The following FBXO42 variants were observed in gnomAD, a reference collection of about 807,000 sequenced individuals.
FBXO42 encodes F-box only protein 42.
FBXO42 carries 12 observed loss-of-function variants against 71.7 expected under a neutral mutation model. The observed-to-expected ratio is 0.17, with a 90% CI of 0.11 to 0.27. The LOEUF (loss-of-function observed/expected upper bound fraction) is 0.27, where lower values mean the gene tolerates loss of function less well. FBXO42 is among the 10% of genes least tolerant of loss of function. FBXO42 has a pLI of 1.00. For missense variants in FBXO42, 707 were observed against 911.9 expected (o/e 0.78, Z 2.89); for synonymous variants, 325 against 327.5 (o/e 0.99, Z 0.08).
rs2081606101 is a variant in FBXO42, at chr1:16,252,795, C to T, written c.921+301G>A. 6.6e-6 allele frequency among the ~76,000 whole-genome samples: 1 copy of T among 152,094 alleles called. No individual in the cohort carries two copies. The highest frequency in any genetic ancestry group is 2.4e-5 in the African/African-American group (1 of 41,388). ...ATCAACCTGCTTTTTTGTTCCACTG[C>T]CCTCTCCCCTTTGAAAATATGATAG... On this transcript the variant is annotated intron_variant, in intron 8 of 9. Coordinates refer to ENST00000375592, the MANE Select transcript of FBXO42 (RefSeq NM_018994.3). The surrounding 1 kb of genome is among the most constrained non-coding windows in gnomAD (Gnocchi z 4.4).
At position 16,252,480 on chromosome 1, in the gene FBXO42, T is replaced by C; in HGVS notation, c.922-76A>G. Reference sequence around the variant, plus strand: ...AACACACACACACAGAGTTGCAGTCTCAAAGCTCTCCTGTCTGGTCTTGAA... The same window carrying C: ...AACACACACACACAGAGTTGCAGTCCCAAAGCTCTCCTGTCTGGTCTTGAA... On this transcript the variant is annotated intron_variant, in intron 8 of 9. Transcript: ENST00000375592. The surrounding 1 kb of genome is among the most constrained non-coding windows in gnomAD (Gnocchi z 4.4). The C allele has an allele frequency of 8.8e-7, 1 of 1,137,370 alleles. No homozygotes were observed. The highest frequency in any genetic ancestry group is 1.3e-6 in the Non-Finnish European group (1 of 757,234). 70.5% of individuals were successfully genotyped at this position (1,137,370 alleles called of 1,614,324 possible). A position where few individuals can be genotyped will look rare whatever the true frequency, so the allele number is the denominator to read the frequency against.
intron 4 of FBXO42, among the ~76,000 whole-genome samples, chr1:16,270,885 G>A (rs887538738): frequency 2.0e-5 from 3 of 151,296 alleles, no homozygotes; most frequent in Non-Finnish European, 2.9e-5. Flanking sequence ...CCCAGGAAGC[G>A]TATAGCTTGC....
intron 3 of FBXO42, among the ~76,000 whole-genome samples, chr1:16,305,407 T>A (rs2082239572): frequency 6.6e-6 from 1 of 151,878 alleles, no homozygotes; most frequent in Non-Finnish European, 1.5e-5. Flanking sequence ...AAATAAATAA[T>A]TAAAAGTCGG....
intron 2 of FBXO42, among the ~76,000 whole-genome samples, chr1:16,313,998 G>A (rs1355598529): frequency 6.6e-6 from 1 of 152,318 alleles, no homozygotes; most frequent in East Asian, 1.9e-4. Flanking sequence ...CTGTCGCCCA[G>A]GCTGGAGTCC....
chr1:16,335,735 T>C (rs1238123439), intron 1 of FBXO42, among the ~76,000 whole-genome samples: 1 of 151,412 alleles, frequency 6.6e-6, no homozygotes, highest in African/African-American at 2.4e-5. Context: ...GGCGTGGTCG[T>C]GGGCACCTGT....
At chr1:16,323,396 T>C (rs9919132) in intron 1 of FBXO42, among the ~76,000 whole-genome samples, 50,860 of 151,744 alleles carry the variant, frequency 0.34, 8,988 homozygotes, top group African/African-American at 0.4. Context: ...CCAGCCCAGG[T>C]GACAGTGCGA....
intron 4 of FBXO42, among the ~76,000 whole-genome samples, chr1:16,284,707 C>A (rs768768294): frequency 1.3e-5 from 2 of 152,162 alleles, no homozygotes; most frequent in Non-Finnish European, 2.9e-5. Context: ...GGGACTCATG[C>A]CTGTAATTCC....
At chr1:16,293,030 T>A (rs973205122) in intron 4 of FBXO42, 2 of 152,240 alleles carry the variant, frequency 1.3e-5, no homozygotes, top group African/African-American at 4.8e-5. Context: ...ATTAATCAAT[T>A]TGCACTAAGT....
At chr1:16,344,650 T>C (rs993594934) in intron 1 of FBXO42, among the ~76,000 whole-genome samples, 5 of 152,060 alleles carry the variant, frequency 3.3e-5, no homozygotes, top group African/African-American at 9.7e-5. Flanking sequence ...GTTACATTTT[T>C]AAACCTTCTT....
intron 1 of FBXO42, among the ~76,000 whole-genome samples, chr1:16,341,792 GA>G (rs2100634185): frequency 6.8e-6 from 1 of 147,834 alleles, no homozygotes; most frequent in South Asian, 2.2e-4. Flanking sequence ...CCAACATGGA[GA>G]AAACCCCGTC....
chr1:16,253,071 G>A (rs779379541), intron 8 of FBXO42, 25 bp downstream of exon 8: 8 of 1,606,226 alleles, frequency 5.0e-6, no homozygotes, highest in Admixed American at 3.4e-5. Context: ...CATGCACATG[G>A]GAATGCCACA....
chr1:16,259,794 A>G (rs1298897226), intron 4 of FBXO42, among the ~76,000 whole-genome samples: 1 of 151,892 alleles, frequency 6.6e-6, no homozygotes, highest in Non-Finnish European at 1.5e-5. Flanking sequence ...AGAAAGAAAA[A>G]AAAGAAAGAA....
Position 16,251,131 on chromosome 1 carries a change from C to T in FBXO42, c.1693G>A (p.Ala565Thr), listed in dbSNP as rs1182770446. ...ALRRSLEAIK[A>T]MSSKGPSASA... is the part of the protein sequence containing the mutation. ...GCCGAGGGGCCTTTGGAGGACATCGCTTTGATGGCTTCCAGACTCCGACGC... is the reference window on the plus strand; with the variant it reads ...GCCGAGGGGCCTTTGGAGGACATCGTTTTGATGGCTTCCAGACTCCGACGC... The change falls in exon 10 of 10, where the codon GCG (alanine) becomes ACG (threonine). Residue 565 changes from alanine to threonine, a missense_variant. Ala to Thr is a moderately conservative substitution (Grantham distance 58, BLOSUM62 0). Transcript: ENST00000375592. The surrounding 1 kb of genome is among the most constrained non-coding windows in gnomAD (Gnocchi z 4.5). The T allele has an allele frequency of 1.1e-5, 18 of 1,614,134 alleles. No homozygotes were observed. Among genetic ancestry groups the T allele is most frequent in the Non-Finnish European group, 1.4e-5 (16 of 1,180,044 alleles).
intron 4 of FBXO42, among the ~76,000 whole-genome samples, chr1:16,268,866 T>C (rs184898794): frequency 0.02 from 3,040 of 150,910 alleles, 58 homozygotes; most frequent in Non-Finnish European, 0.026. Context: ...ATGCCTGTAA[T>C]CCCAGCTACT....
Position 16,341,839 on chromosome 1 carries a change from C to T in FBXO42, c.-18+10416G>A, listed in dbSNP as rs189655742. 1.6e-4 allele frequency among the ~76,000 whole-genome samples: 23 copies of T among 145,164 alleles called. 1 individual carries two copies. In the Middle Eastern group the frequency reaches 0.022, roughly 137 times the overall value. On this transcript the variant is annotated intron_variant, in intron 1 of 9. Transcript: ENST00000375592. The stretch of plus-strand genomic sequence containing the variant: ...ATACAAAATTAGCCAGGCATAGTGG[C>T]GTCTGCCTGTAATCCCAGCTACTCA...
rs192637479 is a variant in FBXO42, at chr1:16,332,933, C to G, written c.-17-17498G>C. ...AATTTAACAATGAGAAGAGTAGTGG[C>G]TTTTTCCAACAGATTTCAATTCAGT... On this transcript the variant is annotated intron_variant, in intron 1 of 9. Transcript: ENST00000375592. Among the ~76,000 whole-genome samples, 189 of 152,190 alleles carry G rather than the reference C, an allele frequency of 1.2e-3. 1 individual carries two copies. Among genetic ancestry groups the G allele is most frequent in the Middle Eastern group, 3.4e-3 (1 of 294 alleles).
At chr1:16,265,581 A>G (rs2100460039) in intron 4 of FBXO42, among the ~76,000 whole-genome samples, 1 of 152,176 alleles carries the variant, frequency 6.6e-6, no homozygotes, top group South Asian at 2.1e-4. Flanking sequence ...TTTACAGATG[A>G]ATAATGGTAG....
rs2081574995 is a variant in FBXO42 at position 16,249,996 on chromosome 1, T to C, written c.*674A>G. On this transcript the variant is annotated 3_prime_UTR_variant, in exon 10 of 10. Transcript: ENST00000375592. The stretch of plus-strand genomic sequence containing the variant: ...ACACAAGAAGCACTCCAAAGACCAA[T>C]GGACACTACTAGGCGGTCAGATGTT... 6.6e-6 allele frequency: 1 copy of C among 152,310 alleles called. No individual in the cohort carries two copies. Among genetic ancestry groups the C allele is most frequent in the Non-Finnish European group, 1.5e-5 (1 of 68,034 alleles). 9.4% of individuals were successfully genotyped at this position (152,310 alleles called of 1,614,324 possible).
Position 16,294,779 on chromosome 1 carries a change from T to G in FBXO42, c.502+4A>C, listed in dbSNP as rs375384598. On this transcript the variant is annotated splice_donor_region_variant and intron_variant, in intron 4 of 9. Transcript: ENST00000375592. ...GAGGCAAAGATCAGCATTTCATCTC[T>G]TACCTGAAGCCAAAGGTCGGATCCA... 4 of 1,612,968 alleles carry G rather than the reference T, an allele frequency of 2.5e-6. No individual in the cohort carries two copies. The highest frequency in any genetic ancestry group is 3.4e-6 in the Non-Finnish European group (4 of 1,179,536).
Sources: allele counts gnomAD v4.1 joint callset (sites outside exome capture counted in the v4.1 genomes callset), GRCh38; gene constraint gnomAD v4.1.1; non-coding constraint Gnocchi (gnomAD v3.1); transcripts MANE v1.5; gene names NCBI Gene and HGNC (gene_info 2026-07-23, HGNC 2026-07-21).